The following NTM variants were observed in gnomAD, a reference collection of about 807,000 sequenced individuals.
NTM encodes the protein IgLON family member 2.
In NTM, 13 loss-of-function variants were observed where a neutral mutation model predicts 42.1. That is an observed-to-expected ratio of 0.31 (90% CI 0.20 to 0.49). NTM has a LOEUF of 0.49. Among genes scored for constraint, NTM ranks in the 20% least tolerant of loss-of-function variants. The pLI is 0.99. For missense variants in NTM, 373 were observed against 452.8 expected, an observed-to-expected ratio of 0.82 and a Z score of 1.60; for synonymous variants, 187 against 179.2, an observed-to-expected ratio of 1.04 and a Z score of -0.35.
chr11:131,693,646 A>C (rs939827378), intron 1 of NTM, among the ~76,000 whole-genome samples: 3 of 151,958 alleles, frequency 2.0e-5, no homozygotes, highest in Non-Finnish European at 2.9e-5. Context: ...CACTTAATTC[A>C]CTTGGTTTGT....
intron 1 of NTM, among the ~76,000 whole-genome samples, chr11:131,539,833 G>A (rs1012532679): frequency 1.3e-5 from 2 of 152,166 alleles, no homozygotes; most frequent in African/African-American, 4.8e-5. Flanking sequence ...GCTACTAGGA[G>A]AATGAGAGGC....
At chr11:132,196,413 C>T (rs2080221081) in intron 3 of NTM, among the ~76,000 whole-genome samples, 1 of 151,994 alleles carries the variant, frequency 6.6e-6, no homozygotes, top group Non-Finnish European at 1.5e-5. Flanking sequence ...CTTAGAACTA[C>T]CTTTCAATGC....
intron 2 of NTM, among the ~76,000 whole-genome samples, chr11:132,012,625 G>C (rs982855525): frequency 3.3e-5 from 5 of 152,136 alleles, no homozygotes; most frequent in African/African-American, 1.2e-4. Context: ...AAAAATTGTA[G>C]CACATTTGCT....
At chr11:132,287,899 A>G (rs368777127) in intron 4 of NTM, among the ~76,000 whole-genome samples, 3 of 152,228 alleles carry the variant, frequency 2.0e-5, no homozygotes, top group South Asian at 2.1e-4. Context: ...TGTTTGGTGT[A>G]TATGTGTCTA....
At chr11:131,571,595 G>T (rs552248714) in intron 1 of NTM, among the ~76,000 whole-genome samples, 4 of 152,336 alleles carry the variant, frequency 2.6e-5, no homozygotes, top group African/African-American at 9.6e-5. Flanking sequence ...CTCACAGGCT[G>T]CCTCTTGGCA....
chr11:131,577,588 A>C (rs752886727), intron 1 of NTM, among the ~76,000 whole-genome samples: 17 of 152,234 alleles, frequency 1.1e-4, no homozygotes, highest in Non-Finnish European at 2.1e-4. Flanking sequence ...ACATTATTAT[A>C]ATATATAAAA....
chr11:131,495,085 A>G (rs1363474568), intron 1 of NTM, among the ~76,000 whole-genome samples: 1 of 152,178 alleles, frequency 6.6e-6, no homozygotes, highest in Non-Finnish European at 1.5e-5. Flanking sequence ...ATGAGGGAAA[A>G]TTAGTAGTAG....
intron 1 of NTM, among the ~76,000 whole-genome samples, chr11:131,789,639 G>GAAGAAGAAGAAGAAGAAGAAGAAGAAA (rs2090499171): frequency 9.1e-6 from 1 of 109,682 alleles, no homozygotes; most frequent in Admixed American, 1.2e-4. Context: ...AAGAAGAAAA[G>GAAGAAGAAGAAGAAGAAGAAGAAGAAA]AAGAAGAAGA....
intron 8 of NTM, among the ~76,000 whole-genome samples, chr11:132,333,695 G>A (rs1187288012): frequency 6.6e-5 from 10 of 152,146 alleles, no homozygotes; most frequent in Non-Finnish European, 1.5e-4. Flanking sequence ...GAGAAGTTCC[G>A]GCCTTAGGGA....
intron 7 of NTM, chr11:132,317,769 C>T (rs1460626363): frequency 3.3e-5 from 27 of 813,764 alleles, no homozygotes; most frequent in South Asian, 8.6e-5. Flanking sequence ...GTGCATTACC[C>T]GAAGCACTTG....
chr11:131,890,974 C>T (rs2137496237), intron 1 of NTM, among the ~76,000 whole-genome samples: 1 of 152,272 alleles, frequency 6.6e-6, no homozygotes, highest in East Asian at 1.9e-4. Context: ...AATTCCAGCT[C>T]TCCTCTAGCC....
Position 132,102,088 on chromosome 11 carries a change from C to A in NTM, c.168-44194C>A, listed in dbSNP as rs114191793. On this transcript the variant is annotated intron_variant, in intron 2 of 8. Transcript: ENST00000683400. Reference sequence around the variant, plus strand: ...TGGCTTATGTTCTGTATTTTGCCTGCAGTAGCCTTCACATTCTTTTTCTCC... The same window carrying A: ...TGGCTTATGTTCTGTATTTTGCCTGAAGTAGCCTTCACATTCTTTTTCTCC... Among the ~76,000 whole-genome samples, 680 of 152,318 alleles carry A rather than the reference C, an allele frequency of 4.5e-3. 4 individuals are homozygous for A. The highest frequency in any genetic ancestry group is 0.015 in the African/African-American group (638 of 41,572).
At chr11:131,955,550 G>C (rs142033781) in intron 2 of NTM, among the ~76,000 whole-genome samples, 2 of 152,150 alleles carry the variant, frequency 1.3e-5, no homozygotes, top group Non-Finnish European at 2.9e-5. Flanking sequence ...GATAATTATC[G>C]TAGTTTTTAG....
intron 2 of NTM, among the ~76,000 whole-genome samples, chr11:131,945,752 C>T (rs56067246): frequency 0.13 from 19,972 of 152,136 alleles, 1,489 homozygotes; most frequent in Admixed American, 0.23. Context: ...ATTCCTGCAC[C>T]TTTACTGATA....
intron 1 of NTM, chr11:131,546,576 G>A (rs2053975295): frequency 6.6e-6 from 1 of 152,212 alleles, no homozygotes; most frequent in Non-Finnish European, 1.5e-5. Context: ...GGTGCACCAA[G>A]CTGTCCTGCT....
chr11:132,240,337 C>T (rs1185974184), intron 4 of NTM, among the ~76,000 whole-genome samples: 1 of 152,052 alleles, frequency 6.6e-6, no homozygotes, highest in Non-Finnish European at 1.5e-5. Context: ...TTTATTGAAC[C>T]ATAGATAAAA....
At chr11:132,102,040 G>T (rs1036829793) in intron 2 of NTM, among the ~76,000 whole-genome samples, 2 of 152,124 alleles carry the variant, frequency 1.3e-5, no homozygotes, top group Non-Finnish European at 2.9e-5. Flanking sequence ...TTCAGTCATT[G>T]CCTGCTTCAC....
chr11:131,668,293 T>TATCC (rs2069466215), intron 1 of NTM, among the ~76,000 whole-genome samples: 1 of 151,890 alleles, frequency 6.6e-6, no homozygotes, highest in African/African-American at 2.4e-5. Flanking sequence ...TCTATCTATC[T>TATCC]GTAAATAAAT....
At chr11:132,129,334 C>G (rs766134580) in intron 2 of NTM, among the ~76,000 whole-genome samples, 5 of 152,154 alleles carry the variant, frequency 3.3e-5, no homozygotes, top group Non-Finnish European at 7.3e-5. Flanking sequence ...TCCTGTGTCT[C>G]ACACATATAT....
Sources: allele counts gnomAD v4.1 joint callset (sites outside exome capture counted in the v4.1 genomes callset), GRCh38; gene constraint gnomAD v4.1.1; transcripts MANE v1.5; gene names NCBI Gene and HGNC (gene_info 2026-07-23, HGNC 2026-07-21).